The following OCA2 variants were observed in gnomAD, a reference collection of about 807,000 sequenced individuals.
OCA2 encodes the protein OCA2 melanosomal transmembrane protein, also known as P protein.
A neutral mutation model predicts 100.2 loss-of-function variants in OCA2; 77 were observed. The observed-to-expected ratio is 0.77, with a 90% CI of 0.64 to 0.93. The LOEUF is 0.93. Ranked by LOEUF, OCA2 falls within the 40% of genes least tolerant of loss-of-function variation. The pLI is 0.00. For missense variants in OCA2, 1,062 were observed against 1,089.1 expected, an observed-to-expected ratio of 0.98 and a Z score of 0.35; for synonymous variants, 432 against 439.2, an observed-to-expected ratio of 0.98 and a Z score of 0.21.
chr15:27,762,786 A>G (rs2030946676), intron 23 of OCA2, among the ~76,000 whole-genome samples: 1 of 152,158 alleles, frequency 6.6e-6, no homozygotes, highest in Non-Finnish European at 1.5e-5. Context: ...TTGTCTAAAA[A>G]CGGTTTGCCT....
chr15:27,766,430 T>A (rs979848772), intron 23 of OCA2, among the ~76,000 whole-genome samples: 3 of 152,094 alleles, frequency 2.0e-5, no homozygotes, highest in Non-Finnish European at 4.4e-5. Flanking sequence ...CATTCGCTCC[T>A]TCTCTATGAA....
intron 14 of OCA2, among the ~76,000 whole-genome samples, chr15:27,969,855 AG>A (rs1434578830): frequency 2.6e-5 from 4 of 151,944 alleles, no homozygotes; most frequent in Non-Finnish European, 2.9e-5. Context: ...TAGGTTGCAA[AG>A]GAGGGGCTCA....
At chr15:27,870,278 T>C (rs2036494212) in intron 21 of OCA2, among the ~76,000 whole-genome samples, 1 of 152,228 alleles carries the variant, frequency 6.6e-6, no homozygotes, top group Non-Finnish European at 1.5e-5. Flanking sequence ...GGCTCTCCCC[T>C]GTCCTGTGTC....
intron 15 of OCA2, among the ~76,000 whole-genome samples, chr15:27,960,615 T>C (rs1268883871): frequency 6.6e-6 from 1 of 152,078 alleles, no homozygotes; most frequent in Non-Finnish European, 1.5e-5. Context: ...TATCTATCTA[T>C]CTATGTATCT....
chr15:28,028,595 T>G (rs921887437), intron 3 of OCA2, among the ~76,000 whole-genome samples: 3 of 152,332 alleles, frequency 2.0e-5, no homozygotes, highest in Non-Finnish European at 4.4e-5. Flanking sequence ...AAATGGGGCC[T>G]ATATCTAGAT....
chr15:28,037,277 A>G (rs2141426742), intron 2 of OCA2, among the ~76,000 whole-genome samples: 1 of 152,030 alleles, frequency 6.6e-6, no homozygotes, highest in Admixed American at 6.5e-5. Context: ...GCAGGAAGGC[A>G]GCTGGTGGTC....
chr15:27,751,369 A>G (rs1381949352), downstream of OCA2, among the ~76,000 whole-genome samples: 15 of 152,312 alleles, frequency 9.8e-5, no homozygotes, highest in East Asian at 1.5e-3. Flanking sequence ...GAAGTTGCCC[A>G]TCTCACACCA....
At chr15:28,010,271 T>A (rs1443952346) in intron 9 of OCA2, among the ~76,000 whole-genome samples, 1 of 152,190 alleles carries the variant, frequency 6.6e-6, no homozygotes, top group East Asian at 1.9e-4. Context: ...CTACAAAAAC[T>A]AATAATGTCA....
At chr15:27,959,781 TG>T (rs1360758025) in intron 15 of OCA2, among the ~76,000 whole-genome samples, 19 of 152,178 alleles carry the variant, frequency 1.2e-4, no homozygotes, top group Admixed American at 2.0e-4. Context: ...GCCACCTTCA[TG>T]CACACCCAGC....
intron 23 of OCA2, among the ~76,000 whole-genome samples, chr15:27,771,607 C>T (rs1244649018): frequency 3.9e-5 from 6 of 152,076 alleles, no homozygotes; most frequent in Non-Finnish European, 8.8e-5. Flanking sequence ...GTGGGAGATC[C>T]CAAAGACAGT....
At chr15:27,947,625 A>G (rs948380778) in intron 18 of OCA2, among the ~76,000 whole-genome samples, 7 of 152,216 alleles carry the variant, frequency 4.6e-5, no homozygotes, top group Admixed American at 3.9e-4. Context: ...GCCTCGGCAC[A>G]TGCAGCTGGA....
At chr15:27,933,117 T>C (rs776810291) in intron 18 of OCA2, among the ~76,000 whole-genome samples, 2 of 152,206 alleles carry the variant, frequency 1.3e-5, no homozygotes, top group African/African-American at 2.4e-5. Flanking sequence ...AAACTGGATA[T>C]CTGCATGCAA....
intron 15 of OCA2, among the ~76,000 whole-genome samples, chr15:27,962,071 A>G (rs1214085067): frequency 6.6e-6 from 1 of 152,244 alleles, no homozygotes; most frequent in African/African-American, 2.4e-5. Context: ...ATATTTATCT[A>G]GCTATCATCT....
chr15:27,938,166 C>G (rs2039523121), intron 18 of OCA2, among the ~76,000 whole-genome samples: 1 of 152,182 alleles, frequency 6.6e-6, no homozygotes, highest in Non-Finnish European at 1.5e-5. Context: ...TCAGCAGGAT[C>G]CCTATTTTAC....
chr15:27,847,439 G>T (rs148622756), intron 22 of OCA2, among the ~76,000 whole-genome samples: 112 of 152,294 alleles, frequency 7.4e-4, no homozygotes, highest in African/African-American at 2.6e-3. Flanking sequence ...GAAGGCAAAG[G>T]CTATGGCATA....
the OCA2 span, among the ~76,000 whole-genome samples, chr15:27,741,923 G>C: frequency 6.6e-6 from 1 of 152,226 alleles, no homozygotes; most frequent in Non-Finnish European, 1.5e-5. Flanking sequence ...AAACAATTCA[G>C]CACTGAAACA....
chr15:28,096,701 C>T (rs1174811515), intron 1 of OCA2, among the ~76,000 whole-genome samples: 1 of 152,178 alleles, frequency 6.6e-6, no homozygotes, highest in East Asian at 1.9e-4. Context: ...GAACGTTAAG[C>T]CAAACATCGT....
At chr15:27,808,928 G>T (rs1207069518) in intron 23 of OCA2, among the ~76,000 whole-genome samples, 1 of 152,124 alleles carries the variant, frequency 6.6e-6, no homozygotes, top group South Asian at 2.1e-4. Context: ...GGGATCGTGG[G>T]GTATGCCATC....
chr15:27,721,467 G>C, the OCA2 span, among the ~76,000 whole-genome samples: 1 of 151,506 alleles, frequency 6.6e-6, no homozygotes. Flanking sequence ...TTATTTTAAT[G>C]AGTAACATTA....
Sources: gnomAD v4.1 joint callset for allele counts (sites outside exome capture counted in the v4.1 genomes callset) on GRCh38, gnomAD v4.1.1 for gene constraint, MANE v1.5 for transcripts, NCBI Gene and HGNC (gene_info 2026-07-23, HGNC 2026-07-21) for gene names.